The following RHAG variants were observed in gnomAD, a reference collection of about 807,000 sequenced individuals.
RHAG encodes ammonium transporter Rh type A.
Under a neutral mutation model 42.4 loss-of-function variants are expected in RHAG, and 25 were observed. The observed-to-expected ratio is 0.59, with a 90% CI of 0.43 to 0.82. RHAG has a LOEUF of 0.82. Among genes scored for constraint, RHAG ranks in the 40% least tolerant of loss-of-function variants. The pLI is 0.00. For missense variants in RHAG, 483 were observed against 504.6 expected, an observed-to-expected ratio of 0.96 and a Z score of 0.41; for synonymous variants, 182 against 177.7, an observed-to-expected ratio of 1.02 and a Z score of -0.19.
chr6:49,611,779 T>C (rs559517176), intron 6 of RHAG, among the ~76,000 whole-genome samples: 28 of 151,598 alleles, frequency 1.8e-4, no homozygotes, highest in Admixed American at 1.8e-3. Context: ...TCTCACTCCA[T>C]TGCCCAGGCT....
chr6:49,613,844 G>A (rs1289738518), intron 5 of RHAG, among the ~76,000 whole-genome samples: 2 of 152,148 alleles, frequency 1.3e-5, no homozygotes, highest in African/African-American at 2.4e-5. Flanking sequence ...ATCGAAATTA[G>A]CATTGATAAA....
chr6:49,612,330 G>T, intron 6 of RHAG, 67 bp downstream of exon 6: 3 of 1,525,354 alleles, frequency 2.0e-6, no homozygotes, highest in Admixed American at 3.4e-5. Flanking sequence ...CTTTTTTTCT[G>T]CTGGTGGGAC....
intron 1 of RHAG, among the ~76,000 whole-genome samples, chr6:49,627,636 C>T (rs375943193): frequency 5.9e-5 from 9 of 152,172 alleles, no homozygotes; most frequent in East Asian, 3.9e-4. Context: ...TGAAAACATA[C>T]CTGAGACTGC....
intron 1 of RHAG, among the ~76,000 whole-genome samples, chr6:49,624,840 G>C (rs560813843): frequency 6.6e-6 from 1 of 152,154 alleles, no homozygotes; most frequent in African/African-American, 2.4e-5. Context: ...CAATCTTCAG[G>C]GAGACCACAA....
intron 4 of RHAG, 66 bp downstream of exon 4, chr6:49,615,558 T>G: frequency 1.3e-6 from 2 of 1,567,930 alleles, no homozygotes; most frequent in Non-Finnish European, 1.8e-6. Flanking sequence ...CACACCCTTG[T>G]TGAAGTTAAC....
chr6:49,622,324 C>T (rs1762771093), intron 1 of RHAG, among the ~76,000 whole-genome samples: 1 of 150,680 alleles, frequency 6.6e-6, no homozygotes, highest in Non-Finnish European at 1.5e-5. Context: ...TCAAGTGATT[C>T]TCCTGTCTCA....
chr6:49,615,384 G>C (rs976377184), intron 4 of RHAG: 1 of 365,440 alleles, frequency 2.7e-6, no homozygotes, highest in Non-Finnish European at 4.9e-6. Flanking sequence ...AAGTTTAATT[G>C]AATTTATTAT....
At chr6:49,628,507 G>A (rs1489414626) in intron 1 of RHAG, among the ~76,000 whole-genome samples, 3 of 152,210 alleles carry the variant, frequency 2.0e-5, no homozygotes, top group East Asian at 1.9e-4. Flanking sequence ...AAGGTGGCGT[G>A]TCTGGGTCTG....
intron 1 of RHAG, among the ~76,000 whole-genome samples, chr6:49,622,072 C>A (rs570778358): frequency 1.3e-4 from 19 of 151,052 alleles, no homozygotes; most frequent in Non-Finnish European, 2.4e-4. Context: ...TGGTTTGGCT[C>A]TGCGTCTCCA....
intron 2 of RHAG, 139 bp downstream of exon 2, chr6:49,619,040 C>A: frequency 1.1e-6 from 1 of 906,492 alleles, no homozygotes; most frequent in South Asian, 1.4e-5. Flanking sequence ...GACACTGATC[C>A]CATTCATAAA....
At chr6:49,613,315 C>A (rs982489143) in intron 5 of RHAG, among the ~76,000 whole-genome samples, 2 of 152,142 alleles carry the variant, frequency 1.3e-5, no homozygotes, top group Non-Finnish European at 2.9e-5. Flanking sequence ...GGTGATCCAC[C>A]CACCTTGGCC....
In RHAG at chr6:49,606,881, G is replaced by A. The variant is rs1274681095; in HGVS notation, c.1179C>T (p.Asp393=). 2 of 1,611,792 alleles carry A rather than the reference G, an allele frequency of 1.2e-6. No homozygotes were observed. The highest frequency in any genetic ancestry group is 3.3e-5 in the Admixed American group (2 of 59,956). ...AAACAGAATCATCATAGCAGTTCTG[G>A]TCAGATGGCTGTCCCCAGAGAGGCA... ...LKLPLWGQPS[D]QNCYDDSVYW... is the part of the protein sequence containing the mutation. The change falls in exon 9 of 10, where the codon GAC becomes GAT. Residue 393 remains aspartate, a synonymous_variant. Coordinates refer to ENST00000371175, the MANE Select transcript of RHAG (RefSeq NM_000324.3).
chr6:49,622,615 G>A (rs1436428594), intron 1 of RHAG, among the ~76,000 whole-genome samples: 1 of 152,100 alleles, frequency 6.6e-6, no homozygotes, highest in Non-Finnish European at 1.5e-5. Context: ...CTTCCACCAT[G>A]ACTGTGAGGC....
intron 7 of RHAG, among the ~76,000 whole-genome samples, chr6:49,607,475 C>A (rs921041032): frequency 6.6e-6 from 1 of 152,138 alleles, no homozygotes; most frequent in South Asian, 2.1e-4. Context: ...ATAAGACTTT[C>A]CTTAGGGAGG....
At position 49,612,408 on chromosome 6, in the gene RHAG, T is replaced by C. The variant is rs764395638; in HGVS notation, c.934A>G (p.Lys312Glu). Reference sequence around the variant, plus strand: ...TCTGCTGTACTTACAGTCAGGAACTTGTATCCAAGCACAGAGACCATTCCT... The same window carrying C: ...TCTGCTGTACTTACAGTCAGGAACTCGTATCCAAGCACAGAGACCATTCCT... ...IAGMVSVLGYKFLTPLFTTKL... is the reference protein window; with the variant it reads ...IAGMVSVLGYEFLTPLFTTKL... Residue 312 changes from lysine (K) to glutamate (E), a missense_variant, in exon 6 of 10, where the codon AAG becomes GAG. By Grantham distance (56) the Lys-to-Glu change is moderately conservative (BLOSUM62 1). Coordinates refer to ENST00000371175, the MANE Select transcript of RHAG (RefSeq NM_000324.3). 6.2e-7 allele frequency: 1 copy of C among 1,614,162 alleles called. No individual in the cohort carries two copies. The highest frequency in any genetic ancestry group is 8.5e-7 in the Non-Finnish European group (1 of 1,180,004).
chr6:49,629,746 G>A (rs1165001777), intron 1 of RHAG, among the ~76,000 whole-genome samples: 3 of 152,224 alleles, frequency 2.0e-5, no homozygotes, highest in Non-Finnish European at 4.4e-5. Context: ...AGGTGGGCTG[G>A]CACTGCTGGG....
chr6:49,611,239 G>T, intron 6 of RHAG, 94 bp from the exon 7 acceptor site: 1 of 956,890 alleles, frequency 1.0e-6, no homozygotes, highest in Non-Finnish European at 1.6e-6. Context: ...ATTCTTCCAT[G>T]GAGAAAAAGT....
intron 1 of RHAG, among the ~76,000 whole-genome samples, chr6:49,626,363 A>C (rs965580580): frequency 6.6e-6 from 1 of 152,362 alleles, no homozygotes; most frequent in Non-Finnish European, 1.5e-5. Context: ...AAGTGGCTAC[A>C]GGCCCCATGC....
In RHAG at chr6:49,618,049, T is replaced by C. The variant is rs367630101; in HGVS notation, c.492+19A>G. ...ACTGATGCCCAAAGCTAGGAAAGTA[T>C]AAATTTTCTAACTCTTACCTTAAAT... On this transcript the variant is annotated intron_variant, in intron 3 of 9. Transcript: ENST00000371175. 2.1e-5 allele frequency: 34 copies of C among 1,611,416 alleles called. No homozygotes were observed. In the African/African-American group the frequency reaches 4.3e-4, roughly 20 times the overall value.
Sources: gnomAD v4.1 joint callset for allele counts (sites outside exome capture counted in the v4.1 genomes callset) on GRCh38, gnomAD v4.1.1 for gene constraint, MANE v1.5 for transcripts, NCBI Gene and HGNC (gene_info 2026-07-23, HGNC 2026-07-21) for gene names.